Variants in TRPM6 observed in about 807,000 individuals in gnomAD.
TRPM6 encodes channel kinase 2.
Under a neutral mutation model 247.6 loss-of-function variants are expected in TRPM6, and 111 were observed. The observed-to-expected ratio is 0.45, with a 90% CI of 0.38 to 0.52. The LOEUF (loss-of-function observed/expected upper bound fraction) is 0.52. TRPM6 is among the 20% of genes least tolerant of loss of function. The probability of loss-of-function intolerance (pLI) is 0.00; values close to 1 mark genes in which losing one functional copy is unlikely to be tolerated. For missense variants in TRPM6, 2,126 were observed against 2,421.5 expected (o/e 0.88, Z 2.56); for synonymous variants, 892 against 853.8 (o/e 1.04, Z -0.78).
chr9:74,887,441 A>C (rs1831573012), intron 1 of TRPM6: 3 of 1,104,528 alleles, frequency 2.7e-6, no homozygotes, highest in Non-Finnish European at 3.8e-6. Context: ...AGCTCAAGCC[A>C]CCTCCGAACT....
chr9:74,771,144 C>G (rs564439493), intron 25 of TRPM6, among the ~76,000 whole-genome samples: 2 of 152,280 alleles, frequency 1.3e-5, no homozygotes, highest in East Asian at 3.9e-4. Context: ...GGCGCTATTC[C>G]ACCAGACGCC....
intron 38 of TRPM6, among the ~76,000 whole-genome samples, chr9:74,728,001 A>C (rs1488611977): frequency 1.3e-5 from 2 of 152,256 alleles, no homozygotes; most frequent in East Asian, 3.9e-4. Context: ...TTTTGGAGTG[A>C]CTGTGACAAG....
chr9:74,821,964 T>C, intron 7 of TRPM6, 127 bp from the exon 8 acceptor site: 1 of 1,097,384 alleles, frequency 9.1e-7, no homozygotes. Context: ...GGCCCCTCTC[T>C]CATTTTACCC....
intron 25 of TRPM6, among the ~76,000 whole-genome samples, chr9:74,764,842 A>G (rs1236566759): frequency 6.6e-6 from 1 of 152,220 alleles, no homozygotes; most frequent in Non-Finnish European, 1.5e-5. Flanking sequence ...TTCACAATTT[A>G]TTGAGGAAAA....
At chr9:74,833,946 CA>C (rs1354268563) in intron 6 of TRPM6, 51 bp downstream of exon 6, 1 of 1,609,752 alleles carries the variant, frequency 6.2e-7, no homozygotes, top group African/African-American at 1.3e-5. Context: ...GTTAAGCTGG[CA>C]ATTTGCACAC....
Position 74,848,939 on chromosome 9 carries a change from T to C in TRPM6, c.152+6588A>G, listed in dbSNP as rs12340446. 7.2e-3 allele frequency among the ~76,000 whole-genome samples: 1,098 copies of C among 152,226 alleles called. 16 individuals are homozygous for C. Among genetic ancestry groups the C allele is most frequent in the African/African-American group, 0.025 (1,034 of 41,538 alleles). Reference sequence around the variant, plus strand: ...CAAAGAGACAATAGAGACAAATACATTTGAGTACATGGTGGAGAAATGTGG... The same window carrying C: ...CAAAGAGACAATAGAGACAAATACACTTGAGTACATGGTGGAGAAATGTGG... On this transcript the variant is annotated intron_variant, in intron 3 of 38. Coordinates refer to ENST00000360774, the MANE Select transcript of TRPM6 (RefSeq NM_017662.5).
chr9:74,852,841 C>G (rs1830381561), intron 3 of TRPM6, among the ~76,000 whole-genome samples: 1 of 152,146 alleles, frequency 6.6e-6, no homozygotes, highest in South Asian at 2.1e-4. Context: ...CGGCTCGCTA[C>G]AACCTCCACC....
At chr9:74,866,550 C>A (rs533890107) in intron 1 of TRPM6, among the ~76,000 whole-genome samples, 1 of 152,028 alleles carries the variant, frequency 6.6e-6, no homozygotes, top group Non-Finnish European at 1.5e-5. Context: ...GGCGTGATCT[C>A]GGCTCACTGC....
At chr9:74,814,640 CAGAAA>C (rs1311185943) in intron 11 of TRPM6, among the ~76,000 whole-genome samples, 44 of 151,848 alleles carry the variant, frequency 2.9e-4, no homozygotes, top group Non-Finnish European at 1.5e-5. Context: ...AGTATGCTAC[CAGAAA>C]AGAAAAGCTT....
rs182695151 is a variant in TRPM6 at position 74,852,797 on chromosome 9, A to G, written c.152+2730T>C. ...CGGAGTCTCGCTCACTCAGTGCTCAATGTTGCCCAGGCTGGAGTGCAGTGG... is the reference window on the plus strand; with the variant it reads ...CGGAGTCTCGCTCACTCAGTGCTCAGTGTTGCCCAGGCTGGAGTGCAGTGG... On this transcript the variant is annotated intron_variant, in intron 3 of 38. Coordinates refer to ENST00000360774, the MANE Select transcript of TRPM6 (RefSeq NM_017662.5). Among the ~76,000 whole-genome samples the G allele has an allele frequency of 1.5e-3, 235 of 152,102 alleles. 1 individual carries two copies. The highest frequency in any genetic ancestry group is 5.5e-3 in the African/African-American group (228 of 41,490).
chr9:74,776,160 T>G (rs750651568), intron 23 of TRPM6, 84 bp from the exon 24 acceptor site: 1 of 1,207,666 alleles, frequency 8.3e-7, no homozygotes, highest in Admixed American at 1.7e-5. Context: ...ACATTTATGA[T>G]TGGCTCACCT....
intron 5 of TRPM6, among the ~76,000 whole-genome samples, chr9:74,838,930 T>A (rs970970835): frequency 1.3e-5 from 2 of 151,852 alleles, no homozygotes; most frequent in African/African-American, 4.8e-5. Context: ...GCCAATATGG[T>A]GAAACCCTGT....
chr9:74,747,481 A>G (rs1826088972), intron 31 of TRPM6, among the ~76,000 whole-genome samples: 1 of 152,214 alleles, frequency 6.6e-6, no homozygotes, highest in Non-Finnish European at 1.5e-5. Context: ...CACATGACCT[A>G]ATCCTATTTA....
intron 37 of TRPM6, among the ~76,000 whole-genome samples, chr9:74,729,512 G>A (rs1170261136): frequency 2.0e-5 from 3 of 152,102 alleles, no homozygotes; most frequent in Non-Finnish European, 4.4e-5. Flanking sequence ...GAAATCTCTT[G>A]GGAAGACAAA....
chr9:74,789,136 G>T (rs114120301), intron 19 of TRPM6, among the ~76,000 whole-genome samples: 2 of 152,174 alleles, frequency 1.3e-5, no homozygotes, highest in Admixed American at 6.5e-5. Context: ...TGCCAGATCC[G>T]CAGTGGCAAT....
intron 1 of TRPM6, among the ~76,000 whole-genome samples, chr9:74,861,258 A>T (rs1012957707): frequency 1.2e-4 from 19 of 152,208 alleles, no homozygotes; most frequent in African/African-American, 4.1e-4. Context: ...AAATATTTTG[A>T]ATAGGCCCCC....
intron 14 of TRPM6, among the ~76,000 whole-genome samples, chr9:74,806,774 C>G (rs893070319): frequency 6.6e-6 from 1 of 152,168 alleles, no homozygotes; most frequent in African/African-American, 2.4e-5. Flanking sequence ...AAATTGGAGG[C>G]AGTCCTAGCC....
chr9:74,778,772 A>T (rs1352265063), intron 23 of TRPM6, among the ~76,000 whole-genome samples: 3 of 152,116 alleles, frequency 2.0e-5, no homozygotes, highest in Non-Finnish European at 2.9e-5. Flanking sequence ...GGACTCCAAG[A>T]TCCAGAAGGG....
chr9:74,779,745 A>T (rs1291448418), intron 23 of TRPM6, among the ~76,000 whole-genome samples: 1 of 152,258 alleles, frequency 6.6e-6, no homozygotes, highest in Non-Finnish European at 1.5e-5. Context: ...GAAGTGGCCC[A>T]TACTGGTAGC....
Sources: allele counts gnomAD v4.1 joint callset (sites outside exome capture counted in the v4.1 genomes callset), GRCh38; gene constraint gnomAD v4.1.1; transcripts MANE v1.5; gene names NCBI Gene and HGNC (gene_info 2026-07-23, HGNC 2026-07-21).